HOGA1: variants seen among roughly 807,000 people sequenced by gnomAD.
HOGA1 encodes 4-hydroxy-2-oxoglutarate aldolase, mitochondrial.
In HOGA1, 30 loss-of-function variants were observed where a neutral mutation model predicts 34.3. That is an observed-to-expected ratio of 0.87 (90% CI 0.65 to 1.19). HOGA1 has a LOEUF of 1.19. Ranked by LOEUF, HOGA1 falls within the 50% of genes most tolerant of loss-of-function variation. HOGA1 has a pLI of 0.00. For synonymous variants in HOGA1, 161 were observed against 174.0 expected (o/e 0.93, Z 0.59); for missense variants, 417 against 436.5 (o/e 0.96, Z 0.40).
rs929841764 is a variant in HOGA1, at chr10:97,602,002, G to A, written c.834+12G>A. ...AGCCAAACGCTGCGGTGAGCCAGTG[G>A]CAGCGGGGGCGCGGCCTGGCGGGGG... On this transcript the variant is annotated intron_variant, in intron 6 of 6. Transcript: ENST00000370646. 1 of 1,608,248 alleles carries A rather than the reference G, an allele frequency of 6.2e-7. No homozygotes were observed. Among genetic ancestry groups the A allele is most frequent in the Non-Finnish European group, 8.5e-7 (1 of 1,177,814 alleles).
chr10:97,599,108 G>C lies in HOGA1; in HGVS notation c.360G>C (p.Glu120Asp), dbSNP rs763717667. 1 of 1,613,558 alleles carries C rather than the reference G, an allele frequency of 6.2e-7. No individual in the cohort carries two copies. Among genetic ancestry groups the C allele is most frequent in the Non-Finnish European group, 8.5e-7 (1 of 1,180,024 alleles). The change falls in exon 3 of 7, where the codon GAG becomes GAC. Residue 120 changes from glutamate (E) to aspartate (D), a missense_variant. Physicochemically the swap from Glu to Asp is conservative, Grantham distance 45. Transcript: ENST00000370646. Reference sequence around the variant, plus strand: ...TGGCAGCCACTCAAGCCACAGTGGAGATGACCGTCAGCATGGCCCAGGTCG... The same window carrying C: ...TGGCAGCCACTCAAGCCACAGTGGACATGACCGTCAGCATGGCCCAGGTCG... ...SGCESTQATVEMTVSMAQVGA... is the reference protein window; with the variant it reads ...SGCESTQATVDMTVSMAQVGA...
chr10:97,600,171 G>A lies in HOGA1; in HGVS notation c.700+8G>A, dbSNP rs760812475. On this transcript the variant is annotated splice_region_variant and intron_variant, in intron 5 of 6. Transcript: ENST00000370646. The stretch of plus-strand genomic sequence containing the variant: ...TGGCCAGCTATGCCTTGGGTAGGCC[G>A]CCCACTGCTCTCAAATTGTCATGGG... The A allele has an allele frequency of 5.0e-6, 8 of 1,609,404 alleles. No homozygotes were observed. The highest frequency in any genetic ancestry group is 6.8e-6 in the Non-Finnish European group (8 of 1,175,866).
At chr10:97,605,336 G>A (rs938316355) in intron 6 of HOGA1, among the ~76,000 whole-genome samples, 2 of 151,796 alleles carry the variant, frequency 1.3e-5, no homozygotes, top group African/African-American at 4.8e-5. Context: ...CCTTGAATCT[G>A]GGAGGTTGAG....
chr10:97,591,817 TTGTGTGTGTGTG>T (rs56742680), intron 1 of HOGA1, among the ~76,000 whole-genome samples: 36 of 111,072 alleles, frequency 3.2e-4, no homozygotes, highest in African/African-American at 1.1e-3. Context: ...TTCTTTCATT[TTGTGTGTGTGTG>T]TGTGTGTGTG....
At chr10:97,601,829 C>T (rs757755955) in intron 5 of HOGA1, 28 bp from the exon 6 acceptor site, 3 of 1,611,708 alleles carry the variant, frequency 1.9e-6, no homozygotes, top group African/African-American at 1.3e-5. Context: ...GAGGCTCTGG[C>T]TGATGTTCTG....
chr10:97,597,354 G>A (rs983015792), intron 1 of HOGA1, among the ~76,000 whole-genome samples: 40 of 151,790 alleles, frequency 2.6e-4, no homozygotes, highest in Admixed American at 2.6e-3. Flanking sequence ...TAAGAATCCT[G>A]TTGTATTGTA....
At chr10:97,599,898 T>C (rs2041102915) in intron 4 of HOGA1, 84 bp downstream of exon 4, 1 of 1,597,914 alleles carries the variant, frequency 6.3e-7, no homozygotes. Context: ...AGCTCTGAGA[T>C]CTGTTTCCAA....
At chr10:97,588,186 T>C (rs540490346) in intron 1 of HOGA1, among the ~76,000 whole-genome samples, 11 of 147,556 alleles carry the variant, frequency 7.5e-5, no homozygotes, top group African/African-American at 2.4e-4. Context: ...AGTATTCTTT[T>C]TGTTTTTTCT....
At chr10:97,590,298 T>C (rs762732537) in intron 1 of HOGA1, 2 of 1,613,760 alleles carry the variant, frequency 1.2e-6, no homozygotes, top group Non-Finnish European at 1.7e-6. Context: ...ACCAAGGAGA[T>C]TGACACCCAG....
intron 6 of HOGA1, among the ~76,000 whole-genome samples, chr10:97,608,347 GAAAAAATACACC>G (rs2041171694): frequency 6.6e-6 from 1 of 151,966 alleles, no homozygotes; most frequent in African/African-American, 2.4e-5. Flanking sequence ...AAATAAAAAT[GAAAAAATACACC>G]AAAAAATACA....
chr10:97,591,171 G>C (rs1262928379), intron 1 of HOGA1, among the ~76,000 whole-genome samples: 1 of 152,172 alleles, frequency 6.6e-6, no homozygotes, highest in African/African-American at 2.4e-5. Flanking sequence ...GAGGGGAGCA[G>C]CCAGGTATTG....
At chr10:97,593,585 G>A (rs2041045746) in intron 1 of HOGA1, among the ~76,000 whole-genome samples, 1 of 152,166 alleles carries the variant, frequency 6.6e-6, no homozygotes, top group Non-Finnish European at 1.5e-5. Context: ...ATTATGTCAT[G>A]CAAAAAACTT....
At chr10:97,590,355 A>C in intron 1 of HOGA1, 1 of 1,614,058 alleles carries the variant, frequency 6.2e-7, no homozygotes, top group Non-Finnish European at 8.5e-7. Context: ...ATAGCTTACC[A>C]GCACTCAGGT....
intron 1 of HOGA1, among the ~76,000 whole-genome samples, chr10:97,594,618 G>A (rs185622099): frequency 6.6e-6 from 1 of 152,256 alleles, no homozygotes; most frequent in Admixed American, 6.5e-5. Flanking sequence ...GTCCCAAAGT[G>A]CTGGGATCAC....
chr10:97,586,303 T>C (rs986881202), intron 1 of HOGA1, among the ~76,000 whole-genome samples: 1 of 152,170 alleles, frequency 6.6e-6, no homozygotes, highest in African/African-American at 2.4e-5. Context: ...TGGAGTAATA[T>C]ACATTGGAAG....
intron 1 of HOGA1, among the ~76,000 whole-genome samples, chr10:97,592,240 CTT>C (rs370993111): frequency 7.4e-5 from 9 of 121,062 alleles, no homozygotes; most frequent in Admixed American, 2.7e-4. Context: ...AATCCCTGTA[CTT>C]TTTTTTTTTT....
chr10:97,602,168 C>A (rs2041124470), intron 6 of HOGA1, 178 bp downstream of exon 6: 5 of 1,548,582 alleles, frequency 3.2e-6, no homozygotes, highest in African/African-American at 1.4e-5. Flanking sequence ...TGACTTCGGA[C>A]AAAGTCGAGC....
chr10:97,608,863 C>G (rs867746352), intron 6 of HOGA1, among the ~76,000 whole-genome samples: 1 of 152,038 alleles, frequency 6.6e-6, no homozygotes, highest in Admixed American at 6.6e-5. Flanking sequence ...TTTGGCCTCC[C>G]CTTAAGTTTT....
chr10:97,584,471 TG>T lies in HOGA1; in HGVS notation c.-230del. On this transcript the variant is annotated 5_prime_UTR_variant, in exon 1 of 7. Coordinates refer to ENST00000370646, the MANE Select transcript of HOGA1 (RefSeq NM_138413.4). ...GTCCTATATCTGGCCAGAGGGACAC[TG>T]GGTTGTGGCATCTCTCTAGCTGCTA... is the stretch of plus-strand genomic sequence containing the variant. 1.9e-6 allele frequency: 1 copy of T among 521,784 alleles called. No homozygotes were observed. The highest frequency in any genetic ancestry group is 3.4e-6 in the Non-Finnish European group (1 of 296,184). The allele number at this position is 521,784 out of a possible 1,614,324, so 32.3% of individuals were successfully genotyped here. A position where few individuals can be genotyped will look rare whatever the true frequency, so the allele number is the denominator to read the frequency against.
Sources: gnomAD v4.1 joint callset for allele counts (sites outside exome capture counted in the v4.1 genomes callset) on GRCh38, gnomAD v4.1.1 for gene constraint, MANE v1.5 for transcripts, NCBI Gene and HGNC (gene_info 2026-07-23, HGNC 2026-07-21) for gene names.